Variants in CASD1 observed in about 807,000 individuals in gnomAD.
The protein encoded by CASD1 is CAS1 domain sialic acid O acetyltransferase 1.
A neutral mutation model predicts 100.0 loss-of-function variants in CASD1; 41 were observed. The ratio of observed to expected loss-of-function variants is 0.41; its 90% CI spans 0.32 to 0.53. CASD1 has a LOEUF of 0.53. Among genes scored for constraint, CASD1 ranks in the 20% least tolerant of loss-of-function variants. The pLI is 0.25. For synonymous variants in CASD1, 321 were observed against 315.6 expected (o/e 1.02, Z -0.18); for missense variants, 774 against 948.7 (o/e 0.82, Z 2.42).
chr7:94,549,456 C>T (rs1290140988), intron 13 of CASD1, 77 bp from the exon 14 acceptor site: 2 of 1,005,376 alleles, frequency 2.0e-6, no homozygotes. Context: ...CTTCAGAAAA[C>T]TATAATCTGT....
intron 10 of CASD1, among the ~76,000 whole-genome samples, chr7:94,541,012 A>C (rs1168209591): frequency 6.6e-6 from 1 of 151,958 alleles, no homozygotes; most frequent in African/African-American, 2.4e-5. Context: ...CTAACATTCT[A>C]ATATATCTTC....
At chr7:94,575,737 TAA>T in the CASD1 span, among the ~76,000 whole-genome samples, 22 of 152,290 alleles carry the variant, frequency 1.4e-4, no homozygotes, top group East Asian at 3.9e-3. Context: ...TTTTTCAAAA[TAA>T]GTTTGCTGGA....
At chr7:94,562,071 G>C in the CASD1 span, among the ~76,000 whole-genome samples, 665 of 152,186 alleles carry the variant, frequency 4.4e-3, 5 homozygotes, top group African/African-American at 0.015. Flanking sequence ...GGCTCTTTTT[G>C]TGGAGTCTGA....
At chr7:94,548,891 T>C (rs563897807) in intron 13 of CASD1, among the ~76,000 whole-genome samples, 10 of 152,084 alleles carry the variant, frequency 6.6e-5, no homozygotes, top group African/African-American at 2.4e-4. Flanking sequence ...TCCCAGATTT[T>C]CCAACCTGTC....
chr7:94,612,203 A>G, the CASD1 span, among the ~76,000 whole-genome samples: 5 of 152,150 alleles, frequency 3.3e-5, no homozygotes, highest in Admixed American at 2.0e-4. Context: ...TTTTTAATTA[A>G]TTCCTCTCAA....
chr7:94,549,690 T>G (rs771106916), intron 14 of CASD1, 56 bp downstream of exon 14: 93 of 1,306,550 alleles, frequency 7.1e-5, no homozygotes, highest in Non-Finnish European at 1.0e-4. Flanking sequence ...TGGAAAATGA[T>G]TGGAAATTTT....
At chr7:94,605,275 T>C in the CASD1 span, among the ~76,000 whole-genome samples, 5 of 151,132 alleles carry the variant, frequency 3.3e-5, no homozygotes, top group African/African-American at 7.3e-5. Context: ...TTGCAAGAAA[T>C]GTTAAAATAA....
At chr7:94,596,176 G>A in the CASD1 span, among the ~76,000 whole-genome samples, 11 of 152,044 alleles carry the variant, frequency 7.2e-5, no homozygotes, top group Non-Finnish European at 1.6e-4. Context: ...AGTCTTGATG[G>A]GGTTATGGAA....
chr7:94,603,762 T>C, the CASD1 span, among the ~76,000 whole-genome samples: 9 of 152,196 alleles, frequency 5.9e-5, no homozygotes, highest in African/African-American at 2.2e-4. Flanking sequence ...TTCTGATTAC[T>C]ATATTTAGTA....
At chr7:94,555,174 A>G (rs1304954851) in intron 17 of CASD1, among the ~76,000 whole-genome samples, 1 of 152,132 alleles carries the variant, frequency 6.6e-6, no homozygotes. Flanking sequence ...TGTAATAACA[A>G]CATATATTTT....
At chr7:94,620,929 T>G in the CASD1 span, 29 of 152,356 alleles carry the variant, frequency 1.9e-4, no homozygotes, top group African/African-American at 6.7e-4. Context: ...CCTGCTATAT[T>G]TGGAAATCAC....
At chr7:94,544,019 A>T (rs1420808381) in intron 10 of CASD1, among the ~76,000 whole-genome samples, 1 of 152,210 alleles carries the variant, frequency 6.6e-6, no homozygotes, top group Admixed American at 6.5e-5. Flanking sequence ...TCCATCTTGC[A>T]TTCAGGATGT....
At chr7:94,553,435 CT>C (rs1304624200) in intron 16 of CASD1, among the ~76,000 whole-genome samples, 1 of 152,142 alleles carries the variant, frequency 6.6e-6, no homozygotes, top group Non-Finnish European at 1.5e-5. Context: ...GAGTGGTTCA[CT>C]TTGGTTCCTT....
intron 8 of CASD1, among the ~76,000 whole-genome samples, chr7:94,537,106 A>G (rs1166348949): frequency 6.6e-6 from 1 of 152,042 alleles, no homozygotes; most frequent in Non-Finnish European, 1.5e-5. Context: ...TTTTTTAACT[A>G]AAGGTCACAA....
chr7:94,582,896 T>G, the CASD1 span, among the ~76,000 whole-genome samples: 2 of 152,234 alleles, frequency 1.3e-5, no homozygotes, highest in Non-Finnish European at 1.5e-5. Flanking sequence ...CTCTGACTTA[T>G]AGTAACATAT....
intron 3 of CASD1, among the ~76,000 whole-genome samples, chr7:94,526,741 C>G (rs751706489): frequency 6.6e-6 from 1 of 152,144 alleles, no homozygotes; most frequent in African/African-American, 2.4e-5. Flanking sequence ...TGCAATGAAC[C>G]GAGATTGCTC....
At chr7:94,602,826 G>A in the CASD1 span, among the ~76,000 whole-genome samples, 1 of 152,118 alleles carries the variant, frequency 6.6e-6, no homozygotes, top group African/African-American at 2.4e-5. Flanking sequence ...ACTTGGAATT[G>A]TCTCTTGTTT....
chr7:94,543,563 G>GTGCCTTT (rs1795525000), intron 10 of CASD1, among the ~76,000 whole-genome samples: 1 of 152,024 alleles, frequency 6.6e-6, no homozygotes, highest in East Asian at 1.9e-4. Context: ...GCTAAGGCAG[G>GTGCCTTT]AGAATTATTT....
the CASD1 span, among the ~76,000 whole-genome samples, chr7:94,633,406 G>A: frequency 6.6e-6 from 1 of 152,084 alleles, no homozygotes; most frequent in Non-Finnish European, 1.5e-5. Context: ...AGTAGAGAGA[G>A]CCAAAGGGTT....
Sources: allele counts gnomAD v4.1 joint callset (sites outside exome capture counted in the v4.1 genomes callset), GRCh38; gene constraint gnomAD v4.1.1; transcripts MANE v1.5; gene names NCBI Gene and HGNC (gene_info 2026-07-23, HGNC 2026-07-21).